ARHGAP24: variants seen among roughly 807,000 people sequenced by gnomAD.
ARHGAP24 encodes rho GTPase-activating protein 24.
A neutral mutation model predicts 76.4 loss-of-function variants in ARHGAP24; 50 were observed. The observed-to-expected ratio is 0.65, with a 90% confidence interval of 0.52 to 0.83. ARHGAP24 has a LOEUF of 0.83. Ranked by LOEUF, ARHGAP24 falls within the 40% of genes least tolerant of loss-of-function variation. The pLI, the probability that ARHGAP24 is intolerant of heterozygous loss-of-function variation, is 0.00. For synonymous variants in ARHGAP24, 345 were observed against 323.3 expected (o/e 1.07, Z -0.72); for missense variants, 930 against 914.2 (o/e 1.02, Z -0.22).
At chr4:85,517,902 A>C (rs1724577685) in intron 1 of ARHGAP24, among the ~76,000 whole-genome samples, 1 of 152,124 alleles carries the variant, frequency 6.6e-6, no homozygotes, top group African/African-American at 2.4e-5. Context: ...TAACTTGCCT[A>C]GTGATCTAAT....
In ARHGAP24 at chr4:85,616,870, C is replaced by T. The variant is rs145973200; in HGVS notation, c.180+46149C>T. ...CTTGAACTCCTGACCTTGGATGATC[C>T]GCCCACCTTGGCCTCCCAAAGTCAT... On this transcript the variant is annotated intron_variant, in intron 2 of 9. Coordinates refer to ENST00000395184, the MANE Select transcript of ARHGAP24 (RefSeq NM_001025616.3). 8.6e-3 allele frequency among the ~76,000 whole-genome samples: 1,301 copies of T among 152,108 alleles called. 20 individuals carry two copies. The highest frequency in any genetic ancestry group is 0.029 in the African/African-American group (1,221 of 41,516).
chr4:85,945,035 A>G (rs1238446112), intron 5 of ARHGAP24, among the ~76,000 whole-genome samples: 29 of 152,044 alleles, frequency 1.9e-4, no homozygotes, highest in Non-Finnish European at 2.9e-5. Context: ...TACTAGAGAC[A>G]GAGTTTCTCC....
intron 3 of ARHGAP24, among the ~76,000 whole-genome samples, chr4:85,767,014 A>G (rs949770376): frequency 1.1e-4 from 17 of 152,188 alleles, no homozygotes; most frequent in African/African-American, 3.9e-4. Flanking sequence ...ACAACTGCCT[A>G]CAGTATTCAG....
In ARHGAP24 at chr4:85,941,962, G is replaced by A. The variant is rs1204106193; in HGVS notation, c.392-104G>A. 5 of 1,141,288 alleles carry A rather than the reference G, an allele frequency of 4.4e-6. No individual in the cohort carries two copies. In the Admixed American group the frequency reaches 6.0e-5, roughly 14 times the overall value. The allele number at this position is 1,141,288 out of a possible 1,614,324, so 70.7% of individuals were successfully genotyped here. A position where few individuals can be genotyped will look rare whatever the true frequency, so the allele number is the denominator to read the frequency against. On this transcript the variant is annotated intron_variant, in intron 4 of 9. Transcript: ENST00000395184. Reference sequence around the variant, plus strand: ...AATACTGAATGTTAAGTGCTTGCTAGCATTCCAATCTTTGTTTTTCTGTTA... The same window carrying A: ...AATACTGAATGTTAAGTGCTTGCTAACATTCCAATCTTTGTTTTTCTGTTA...
At chr4:85,593,967 T>A (rs1020090720) in intron 2 of ARHGAP24, among the ~76,000 whole-genome samples, 1 of 151,920 alleles carries the variant, frequency 6.6e-6, no homozygotes, top group Non-Finnish European at 1.5e-5. Context: ...AATTTGGGGA[T>A]TTTTTTTCTA....
chr4:85,690,758 G>GTTTTTTTTTT (rs57175662), intron 2 of ARHGAP24, among the ~76,000 whole-genome samples: 1 of 130,758 alleles, frequency 7.6e-6, no homozygotes, highest in Admixed American at 7.5e-5. Context: ...TGTCAATCTT[G>GTTTTTTTTTT]TTTTTTTTTT....
At chr4:85,612,511 TTA>T (rs1393379226) in intron 2 of ARHGAP24, among the ~76,000 whole-genome samples, 13 of 144,124 alleles carry the variant, frequency 9.0e-5, no homozygotes, top group African/African-American at 3.2e-4. Flanking sequence ...TATTTAAATA[TTA>T]TCTTATTCTT....
chr4:85,948,723 G>A (rs346495), intron 5 of ARHGAP24, among the ~76,000 whole-genome samples: 90,471 of 152,032 alleles, frequency 0.6, 27,322 homozygotes, highest in East Asian at 0.81. Context: ...TCTATTGCCA[G>A]AAGACTCTGT....
intron 3 of ARHGAP24, among the ~76,000 whole-genome samples, chr4:85,740,014 G>A (rs892158887): frequency 3.9e-5 from 6 of 152,080 alleles, no homozygotes; most frequent in South Asian, 2.1e-4. Context: ...CATAGTTCAC[G>A]AATGTCCACA....
chr4:85,752,780 G>T (rs1286116622), intron 3 of ARHGAP24, among the ~76,000 whole-genome samples: 1 of 152,170 alleles, frequency 6.6e-6, no homozygotes, highest in Non-Finnish European at 1.5e-5. Flanking sequence ...TATTTCTTGT[G>T]TGTTACGAGA....
intron 3 of ARHGAP24, among the ~76,000 whole-genome samples, chr4:85,875,557 AT>A (rs1430080595): frequency 2.9e-5 from 2 of 69,832 alleles, no homozygotes; most frequent in African/African-American, 4.8e-5. Flanking sequence ...TTTATATTAT[AT>A]TTTTATATTA....
intron 1 of ARHGAP24, among the ~76,000 whole-genome samples, chr4:85,497,911 C>T (rs1723643454): frequency 6.6e-6 from 1 of 152,194 alleles, no homozygotes; most frequent in Admixed American, 6.5e-5. Context: ...TCTTTGAACA[C>T]ACGGCAGTTT....
intron 3 of ARHGAP24, among the ~76,000 whole-genome samples, chr4:85,885,203 A>C (rs1733490475): frequency 6.6e-6 from 1 of 152,050 alleles, no homozygotes; most frequent in Admixed American, 6.6e-5. Flanking sequence ...GTAAAGTTTA[A>C]TATTTACATA....
rs113364392 is a variant in ARHGAP24 at position 85,860,731 on chromosome 4, G to A, written c.269-62917G>A. 6.2e-4 allele frequency among the ~76,000 whole-genome samples: 94 copies of A among 151,986 alleles called. No homozygotes were observed. In the South Asian group the frequency reaches 0.011, roughly 18 times the overall value. On this transcript the variant is annotated intron_variant, in intron 3 of 9. Coordinates refer to ENST00000395184, the MANE Select transcript of ARHGAP24 (RefSeq NM_001025616.3). ...GGAGAATGAAGGTGCATTAGAGAAG[G>A]CAATTGCTGGCATCCATCTTATCTA...
At chr4:85,718,140 G>C (rs1344446579) in intron 2 of ARHGAP24, among the ~76,000 whole-genome samples, 2 of 152,058 alleles carry the variant, frequency 1.3e-5, no homozygotes, top group Admixed American at 6.6e-5. Context: ...TAGCTTCATG[G>C]ATGTTCTTCA....
At chr4:85,641,843 G>C (rs1044559594) in intron 2 of ARHGAP24, among the ~76,000 whole-genome samples, 3 of 152,188 alleles carry the variant, frequency 2.0e-5, no homozygotes, top group Non-Finnish European at 4.4e-5. Context: ...GAGCCTCCAT[G>C]TGTTCAGCTA....
chr4:85,861,779 A>C (rs1410483493), intron 3 of ARHGAP24, among the ~76,000 whole-genome samples: 2 of 152,076 alleles, frequency 1.3e-5, no homozygotes, highest in Non-Finnish European at 2.9e-5. Flanking sequence ...TTACTGAAGT[A>C]ATCTCCTGAA....
At chr4:85,732,678 A>G (rs2110053318) in intron 3 of ARHGAP24, among the ~76,000 whole-genome samples, 1 of 146,378 alleles carries the variant, frequency 6.8e-6, no homozygotes, top group East Asian at 2.0e-4. Flanking sequence ...GGATTAATAA[A>G]CAAAAATTCA....
At chr4:85,883,094 T>A (rs1248481799) in intron 3 of ARHGAP24, among the ~76,000 whole-genome samples, 3 of 152,060 alleles carry the variant, frequency 2.0e-5, no homozygotes, top group Non-Finnish European at 4.4e-5. Flanking sequence ...ACAATGGGAT[T>A]TAAAACAAGG....
Sources: gnomAD v4.1 joint callset for allele counts (sites outside exome capture counted in the v4.1 genomes callset) on GRCh38, gnomAD v4.1.1 for gene constraint, MANE v1.5 for transcripts, NCBI Gene and HGNC (gene_info 2026-07-23, HGNC 2026-07-21) for gene names.